Variants in ZC4H2 observed in about 807,000 individuals in gnomAD.
ZC4H2 encodes zinc finger C4H2-type containing, also known as zinc finger C4H2 domain-containing protein.
For synonymous variants in ZC4H2, 84 were observed against 66.3 expected, an observed-to-expected ratio of 1.27 and a Z score of -1.30; for missense variants, 137 against 173.9, an observed-to-expected ratio of 0.79 and a Z score of 1.19.
At chrX:65,024,552 C>T (rs1040085661) in intron 1 of ZC4H2, among the ~76,000 whole-genome samples, 1 of 111,429 alleles carries the variant, frequency 9.0e-6, no homozygotes, top group Non-Finnish European at 1.9e-5. Flanking sequence ...GAATATAGAT[C>T]ATTATATGAA....
At chrX:65,027,019 C>G in intron 1 of ZC4H2, among the ~76,000 whole-genome samples, 1 of 112,112 alleles carries the variant, frequency 8.9e-6, no homozygotes, top group East Asian at 2.8e-4. Context: ...TTCCAGACTC[C>G]CAAGGAAGGA....
At chrX:64,986,354 T>G (rs1333566110) in intron 1 of ZC4H2, among the ~76,000 whole-genome samples, 1 of 112,211 alleles carries the variant, frequency 8.9e-6, no homozygotes, top group Non-Finnish European at 1.9e-5. Context: ...TTATTAGCAG[T>G]GGCAAGCCAG....
rs779502860 is a variant in ZC4H2, at chrX:64,917,431, C to T, written c.*352G>A. The T allele has an allele frequency of 4.6e-5, 7 of 153,072 alleles. No individual in the cohort carries two copies. The highest frequency in any genetic ancestry group is 6.2e-5 in the Non-Finnish European group (5 of 80,004). 12.6% of individuals were successfully genotyped at this position (153,072 alleles called of 1,213,427 possible). A position where few individuals can be genotyped will look rare whatever the true frequency, so the allele number is the denominator to read the frequency against. The stretch of plus-strand genomic sequence containing the variant: ...GAAACAAGATATGGGCCTCCCCTGC[C>T]CCTCAGACCCTACAGCTCCTTAGGC... On this transcript the variant is annotated 3_prime_UTR_variant, in exon 5 of 5. Coordinates refer to ENST00000374839, the MANE Select transcript of ZC4H2 (RefSeq NM_018684.4).
At chrX:64,934,651 C>A (rs1929908663) in intron 1 of ZC4H2, among the ~76,000 whole-genome samples, 1 of 111,814 alleles carries the variant, frequency 8.9e-6, no homozygotes, top group African/African-American at 3.3e-5. Flanking sequence ...CAGTTCATCT[C>A]ATTGGGACTG....
intron 1 of ZC4H2, among the ~76,000 whole-genome samples, chrX:65,002,819 C>T (rs1932570985): frequency 9.1e-6 from 1 of 109,352 alleles, no homozygotes; most frequent in South Asian, 3.9e-4. Flanking sequence ...GGATTAAGGG[C>T]GGTGCAAGAT....
At chrX:64,921,738 C>G in intron 2 of ZC4H2, 79 bp downstream of exon 2, 1 of 1,080,052 alleles carries the variant, frequency 9.3e-7, no homozygotes, top group East Asian at 3.2e-5. Context: ...GCCTAAGCCA[C>G]ATCTCAAGGA....
At chrX:64,960,226 C>T (rs767974140) in intron 1 of ZC4H2, among the ~76,000 whole-genome samples, 5 of 109,984 alleles carry the variant, frequency 4.5e-5, no homozygotes, top group African/African-American at 1.7e-4. Context: ...TCTGGGGAAG[C>T]CAAGGTATCA....
intron 1 of ZC4H2, among the ~76,000 whole-genome samples, chrX:64,991,950 G>A (rs773726102): frequency 8.9e-6 from 1 of 111,839 alleles, no homozygotes; most frequent in African/African-American, 3.2e-5. Flanking sequence ...TTCCATTCAT[G>A]TGAAATATAC....
rs778720205 is a variant in ZC4H2 at position 64,917,192 on chromosome X, G to A, written c.*591C>T. ...AGAATTTTAGTATATGTGGGAGACA[G>A]AAGTGGAGAAAGCTAAAGAATTACA... On this transcript the variant is annotated 3_prime_UTR_variant, in exon 5 of 5. Transcript: ENST00000374839. 19 of 112,354 alleles carry A rather than the reference G, an allele frequency of 1.7e-4. No individual in the cohort carries two copies. The highest frequency in any genetic ancestry group is 3.4e-4 in the Non-Finnish European group (18 of 53,381). The allele number at this position is 112,354 out of a possible 1,213,427, so 9.3% of individuals were successfully genotyped here. A position where few individuals can be genotyped will look rare whatever the true frequency, so the allele number is the denominator to read the frequency against.
intron 1 of ZC4H2, among the ~76,000 whole-genome samples, chrX:64,982,739 G>A (rs772426350): frequency 3.0e-4 from 34 of 111,776 alleles, no homozygotes; most frequent in Non-Finnish European, 5.1e-4. Context: ...TTAGAGGGAT[G>A]ATAACTTATA....
Position 64,916,248 on chromosome X carries a change from G to A in ZC4H2, c.*1535C>T, listed in dbSNP as rs762028939. ...TCATTTATATTAAGCAACTTGCATAGGTACCTGGCACAGAGTAGGTGCTAA... is the reference window on the plus strand; with the variant it reads ...TCATTTATATTAAGCAACTTGCATAAGTACCTGGCACAGAGTAGGTGCTAA... On this transcript the variant is annotated 3_prime_UTR_variant, in exon 5 of 5. Transcript: ENST00000374839. 6 of 111,268 alleles carry A rather than the reference G, an allele frequency of 5.4e-5. No individual in the cohort carries two copies. Among genetic ancestry groups the A allele is most frequent in the East Asian group, 2.8e-4 (1 of 3,541 alleles). 9.2% of individuals were successfully genotyped at this position (111,268 alleles called of 1,213,427 possible).
intron 1 of ZC4H2, among the ~76,000 whole-genome samples, chrX:65,005,156 C>A (rs747761894): frequency 8.9e-6 from 1 of 111,770 alleles, no homozygotes; most frequent in African/African-American, 3.3e-5. Flanking sequence ...GCCATACTGC[C>A]CGAAGTTATT....
intron 1 of ZC4H2, among the ~76,000 whole-genome samples, chrX:65,013,438 T>A (rs1208320060): frequency 4.1e-4 from 46 of 111,920 alleles, no homozygotes; most frequent in Non-Finnish European, 9.4e-5. Flanking sequence ...TCACGGGATG[T>A]CATTTCCTAG....
intron 3 of ZC4H2, 37 bp downstream of exon 3, chrX:64,920,044 G>A (rs780109526): frequency 1.1e-5 from 13 of 1,191,197 alleles, no homozygotes; most frequent in Admixed American, 2.2e-5. Flanking sequence ...GGGTCGGAGG[G>A]AGGGTATGTT....
At position 64,935,962 on chromosome X, in the gene ZC4H2, TAAC is replaced by T. The variant is rs767154868; in HGVS notation, c.54-13977_54-13975del. ...GAATTAGGCTTCGGAAGGTGGGTAA[TAAC>T]AAACTCCTCTGAGCTAAAGGAGCAT... On this transcript the variant is annotated intron_variant, in intron 1 of 4. Transcript: ENST00000374839. Among the ~76,000 whole-genome samples, 4 of 110,370 alleles carry T rather than the reference TAAC, an allele frequency of 3.6e-5. No individual in the cohort carries two copies. In the East Asian group the frequency reaches 1.2e-3, roughly 32 times the overall value.
At chrX:65,025,202 G>T (rs1262899287) in intron 1 of ZC4H2, among the ~76,000 whole-genome samples, 2 of 90,327 alleles carry the variant, frequency 2.2e-5, no homozygotes, top group African/African-American at 4.5e-5. Flanking sequence ...AAGCTGTAGT[G>T]CAGTAGCACA....
chrX:64,918,067 G>A, intron 4 of ZC4H2, 171 bp from the exon 5 acceptor site: 2 of 538,277 alleles, frequency 3.7e-6, no homozygotes, highest in South Asian at 3.6e-5. Context: ...TGGGAAGGAA[G>A]GACATAACCC....
At chrX:64,986,914 G>C (rs1355404822) in intron 1 of ZC4H2, among the ~76,000 whole-genome samples, 3 of 100,560 alleles carry the variant, frequency 3.0e-5, no homozygotes, top group Non-Finnish European at 5.9e-5. Flanking sequence ...ACACAGACAA[G>C]ATAATTCTTT....
intron 1 of ZC4H2, among the ~76,000 whole-genome samples, chrX:64,975,331 C>T (rs1332902550): frequency 1.1e-4 from 12 of 111,468 alleles, no homozygotes; most frequent in Admixed American, 1.0e-3. Context: ...CTTTACCTAC[C>T]ACCACTAATC....
Sources: allele counts gnomAD v4.1 joint callset (sites outside exome capture counted in the v4.1 genomes callset), GRCh38; gene constraint gnomAD v4.1.1; transcripts MANE v1.5; gene names NCBI Gene and HGNC (gene_info 2026-07-23, HGNC 2026-07-21).